Variants in SUMF1 observed in about 807,000 individuals in gnomAD.
SUMF1 encodes sulfatase modifying factor 1.
Under a neutral mutation model 47.6 loss-of-function variants are expected in SUMF1, and 48 were observed. The ratio of observed to expected loss-of-function variants is 1.01; its 90% CI spans 0.80 to 1.28. The LOEUF is 1.28. Among genes scored for constraint, SUMF1 ranks in the 50% most tolerant of loss-of-function variants. The pLI is 0.00. For missense variants in SUMF1, 571 were observed against 485.4 expected (o/e 1.18, Z -1.66); for synonymous variants, 230 against 192.1 (o/e 1.20, Z -1.63).
At chr3:4,149,863 G>A (rs1172216356) in intron 8 of SUMF1, among the ~76,000 whole-genome samples, 1 of 152,038 alleles carries the variant, frequency 6.6e-6, no homozygotes, top group East Asian at 1.9e-4. Flanking sequence ...TTCAGTTGAT[G>A]CCATGTCTGA....
At chr3:4,170,319 G>T (rs1694803707) in intron 8 of SUMF1, among the ~76,000 whole-genome samples, 1 of 152,130 alleles carries the variant, frequency 6.6e-6, no homozygotes, top group Admixed American at 6.6e-5. Context: ...TCACCTGGAG[G>T]CCTTGTTAAA....
At chr3:4,237,747 G>A (rs986128620) in intron 8 of SUMF1, among the ~76,000 whole-genome samples, 2 of 151,924 alleles carry the variant, frequency 1.3e-5, no homozygotes, top group Admixed American at 6.6e-5. Context: ...CATATTTTAG[G>A]ATTTTTGTAA....
At chr3:4,199,900 A>T (rs1559558856) in intron 8 of SUMF1, among the ~76,000 whole-genome samples, 1 of 152,050 alleles carries the variant, frequency 6.6e-6, no homozygotes, top group South Asian at 2.1e-4. Context: ...ATTTTCAAGT[A>T]TTTGCATCCA....
intron 8 of SUMF1, among the ~76,000 whole-genome samples, chr3:4,287,496 T>A (rs942304569): frequency 1.1e-4 from 17 of 152,190 alleles, no homozygotes; most frequent in African/African-American, 4.1e-4. Flanking sequence ...TGGAATCAGA[T>A]TGGATGCTGT....
intron 9 of SUMF1, among the ~76,000 whole-genome samples, chr3:4,049,608 C>G (rs911806600): frequency 3.9e-5 from 6 of 152,130 alleles, no homozygotes; most frequent in Non-Finnish European, 7.3e-5. Context: ...AGAGTAAGCA[C>G]CCCTGGGCTC....
chr3:4,150,327 C>T (rs904778732), intron 8 of SUMF1, among the ~76,000 whole-genome samples: 14 of 150,018 alleles, frequency 9.3e-5, no homozygotes, highest in Admixed American at 8.5e-4. Flanking sequence ...TTTGGGAGGC[C>T]GAGGCAGGTG....
chr3:4,187,473 C>A (rs1695225451), intron 8 of SUMF1, among the ~76,000 whole-genome samples: 1 of 152,020 alleles, frequency 6.6e-6, no homozygotes, highest in Non-Finnish European at 1.5e-5. Context: ...CTTCTTAATG[C>A]CAGGGACTAT....
chr3:4,116,163 A>C (rs1329277592), intron 8 of SUMF1, among the ~76,000 whole-genome samples: 2 of 152,124 alleles, frequency 1.3e-5, no homozygotes. Context: ...AGACACAAAG[A>C]GGTTGTGTGA....
At chr3:4,385,991 A>T (rs1333890889) in intron 7 of SUMF1, among the ~76,000 whole-genome samples, 3 of 152,200 alleles carry the variant, frequency 2.0e-5, no homozygotes, top group Non-Finnish European at 2.9e-5. Flanking sequence ...CTGATCTATA[A>T]GCATATCCCT....
At position 4,145,929 on chromosome 3, in the gene SUMF1, T is replaced by A. The variant is rs544742753; in HGVS notation, c.1015-77184A>T. Among the ~76,000 whole-genome samples the A allele has an allele frequency of 4.6e-5, 7 of 152,130 alleles. No homozygotes were observed. The South Asian group carries it at 1.2e-3, about 27-fold the overall frequency. ...ACCTCAGCGATTCCAATTCCCTGAGTTCAATTTTTAGGGCGGTATATTATG... is the reference window on the plus strand; with the variant it reads ...ACCTCAGCGATTCCAATTCCCTGAGATCAATTTTTAGGGCGGTATATTATG... On this transcript the variant is annotated intron_variant and NMD_transcript_variant, in intron 8 of 12. Coordinates refer to the SUMF1 transcript ENST00000448413.
At chr3:4,391,177 T>C (rs1179719314) in intron 7 of SUMF1, among the ~76,000 whole-genome samples, 2 of 152,188 alleles carry the variant, frequency 1.3e-5, no homozygotes, top group African/African-American at 4.8e-5. Flanking sequence ...ACTGTTTTCC[T>C]CTTGTTATTT....
intron 8 of SUMF1, among the ~76,000 whole-genome samples, chr3:4,315,015 G>A (rs1698579722): frequency 6.6e-6 from 1 of 152,036 alleles, no homozygotes; most frequent in African/African-American, 2.4e-5. Context: ...TCTCAATAAA[G>A]CTAGGTCGTT....
chr3:4,129,958 G>A (rs1357003985), intron 8 of SUMF1, among the ~76,000 whole-genome samples: 1 of 152,112 alleles, frequency 6.6e-6, no homozygotes, highest in Non-Finnish European at 1.5e-5. Flanking sequence ...CTGTCTGGTA[G>A]GGTGAGGGCT....
At chr3:4,153,505 A>G (rs576959143) in intron 8 of SUMF1, among the ~76,000 whole-genome samples, 1 of 143,568 alleles carries the variant, frequency 7.0e-6, no homozygotes, top group Admixed American at 7.1e-5. Flanking sequence ...TGTGAGCCAC[A>G]ATGCCCCGCC....
chr3:4,110,114 C>T (rs929396287), intron 8 of SUMF1, among the ~76,000 whole-genome samples: 1 of 152,096 alleles, frequency 6.6e-6, no homozygotes, highest in South Asian at 2.1e-4. Context: ...GTGTGGATGT[C>T]CTTTCTGTTT....
chr3:4,247,128 A>T (rs977940560), intron 8 of SUMF1, among the ~76,000 whole-genome samples: 1 of 152,212 alleles, frequency 6.6e-6, no homozygotes, highest in Non-Finnish European at 1.5e-5. Flanking sequence ...CAAAGGAGGC[A>T]TATTTTTTCA....
chr3:4,175,753 G>T (rs993600070), intron 8 of SUMF1, among the ~76,000 whole-genome samples: 1 of 152,096 alleles, frequency 6.6e-6, no homozygotes, highest in East Asian at 1.9e-4. Flanking sequence ...GCTAAAGGAG[G>T]ATGTTCAAAC....
rs1198001988 is a variant in SUMF1 at position 4,423,314 on chromosome 3, AC to A, written c.520-3169del. ...CACACACACACACACACACACACAC[AC>A]AATGGAATACTACTCAGCCATAAAA... On this transcript the variant is annotated intron_variant, in intron 3 of 8. Coordinates refer to ENST00000272902, the MANE Select transcript of SUMF1 (RefSeq NM_182760.4). Among the ~76,000 whole-genome samples the A allele has an allele frequency of 1.5e-4, 23 of 151,200 alleles. 1 individual carries two copies. Among genetic ancestry groups the A allele is most frequent in the African/African-American group, 5.6e-4 (23 of 40,910 alleles).
intron 8 of SUMF1, among the ~76,000 whole-genome samples, chr3:4,370,939 G>A (rs954174122): frequency 5.9e-5 from 9 of 152,168 alleles, no homozygotes; most frequent in South Asian, 2.1e-4. Context: ...TAACCAAAAT[G>A]ACAATAAAGA....
Sources: allele counts gnomAD v4.1 joint callset (sites outside exome capture counted in the v4.1 genomes callset), GRCh38; gene constraint gnomAD v4.1.1; transcripts MANE v1.5; gene names NCBI Gene and HGNC (gene_info 2026-07-23, HGNC 2026-07-21).